UBIAD1: variants seen among roughly 807,000 people sequenced by gnomAD.
UBIAD1 encodes UbiA prenyltransferase domain containing 1.
UBIAD1 carries 12 observed loss-of-function variants against 20.1 expected under a neutral mutation model. The observed-to-expected ratio is 0.60, with a 90% confidence interval of 0.38 to 0.97. The LOEUF is 0.97. UBIAD1 is among the 50% of genes least tolerant of loss of function. The pLI, the probability that UBIAD1 is intolerant of heterozygous loss-of-function variation, is 0.00. For synonymous variants in UBIAD1, 207 were observed against 189.2 expected (o/e 1.09, Z -0.77); for missense variants, 333 against 419.5 (o/e 0.79, Z 1.80).
In UBIAD1 at chr1:11,273,980, A is replaced by G. The variant is rs767123349; in HGVS notation, c.449A>G (p.Tyr150Cys). ...TLGCVCAACL[Y>C]YLSPLKLEHL... ...GGCTGCGTCTGTGCCGCTTGCCTCT[A>G]CTACCTGTCCCCTCTGAAACTGGAG... Residue 150 changes from tyrosine (Y) to cysteine (C), a missense_variant, in exon 1 of 2, where the codon TAC (tyrosine) becomes TGC (cysteine). By Grantham distance (194) the Tyr-to-Cys change is radical (BLOSUM62 -2). Around this residue, in one of 3 missense-constraint regions of UBIAD1, gnomAD observed 226 missense variants for 263.5 expected, o/e 0.86. Transcript: ENST00000376810. The surrounding 1 kb of genome is among the most constrained non-coding windows in gnomAD (Gnocchi z 4.9). The G allele has an allele frequency of 1.9e-6, 3 of 1,613,976 alleles. No individual in the cohort carries two copies. Among genetic ancestry groups the G allele is most frequent in the African/African-American group, 2.7e-5 (2 of 74,906 alleles).
intron 1 of UBIAD1, among the ~76,000 whole-genome samples, chr1:11,276,963 G>A (rs978639723): frequency 6.6e-6 from 1 of 152,124 alleles, no homozygotes; most frequent in Non-Finnish European, 1.5e-5. Flanking sequence ...TGTGCTGGAT[G>A]TGGTAGTTTT....
downstream of UBIAD1, among the ~76,000 whole-genome samples, chr1:11,288,883 G>A (rs778084890): frequency 7.0e-4 from 107 of 152,046 alleles, no homozygotes; most frequent in African/African-American, 2.2e-3. Context: ...CTGCACATCC[G>A]CCTGGGCGAC....
downstream of UBIAD1, among the ~76,000 whole-genome samples, chr1:11,297,697 C>T (rs534381112): frequency 1.5e-4 from 23 of 152,284 alleles, no homozygotes; most frequent in East Asian, 4.3e-3. Flanking sequence ...AAGGTGACTT[C>T]TCATTCGAAT....
At chr1:11,275,089 G>A (rs1189035655) in intron 1 of UBIAD1, among the ~76,000 whole-genome samples, 2 of 152,326 alleles carry the variant, frequency 1.3e-5, no homozygotes, top group South Asian at 4.1e-4. Flanking sequence ...AGGTGGGTAA[G>A]CCCTATTTAT....
intron 1 of UBIAD1, among the ~76,000 whole-genome samples, chr1:11,282,374 C>T (rs1472933127): frequency 2.6e-5 from 4 of 152,086 alleles, no homozygotes; most frequent in African/African-American, 9.7e-5. Flanking sequence ...AGATGGGCCA[C>T]GTCTCTGAAT....
chr1:11,278,843 C>T, intron 1 of UBIAD1: 1 of 454,986 alleles, frequency 2.2e-6, no homozygotes, highest in Non-Finnish European at 4.1e-6. Context: ...TTTGGGTCCA[C>T]TTTCTATTTT....
downstream of UBIAD1, among the ~76,000 whole-genome samples, chr1:11,297,955 T>C (rs1373061803): frequency 7.1e-6 from 1 of 141,264 alleles, no homozygotes; most frequent in Non-Finnish European, 1.5e-5. Context: ...TATTATTGTT[T>C]TTTGTTTTTT....
chr1:11,291,818 A>C (rs1278256984), downstream of UBIAD1, among the ~76,000 whole-genome samples: 1 of 152,106 alleles, frequency 6.6e-6, no homozygotes, highest in East Asian at 1.9e-4. Flanking sequence ...GTGGGGGCAC[A>C]TAAAGCCATG....
downstream of UBIAD1, among the ~76,000 whole-genome samples, chr1:11,296,657 C>T (rs1638453333): frequency 6.6e-6 from 1 of 152,056 alleles, no homozygotes; most frequent in African/African-American, 2.4e-5. Flanking sequence ...GTAGCTTGGA[C>T]TACAGGCTTG....
intron 1 of UBIAD1, chr1:11,278,543 A>G (rs944867759): frequency 6.2e-5 from 56 of 903,410 alleles, no homozygotes; most frequent in African/African-American, 1.0e-4. Context: ...TTGCATTGTG[A>G]TATTTAATCA....
rs993826433 is a variant in UBIAD1 at position 11,286,300 on chromosome 1, G to T, written c.*169G>T. 1 of 882,416 alleles carries T rather than the reference G, an allele frequency of 1.1e-6. No homozygotes were observed. Among genetic ancestry groups the T allele is most frequent in the Admixed American group, 2.8e-5 (1 of 36,030 alleles). 54.7% of individuals were successfully genotyped at this position (882,416 alleles called of 1,614,324 possible). On this transcript the variant is annotated 3_prime_UTR_variant, in exon 2 of 2. Coordinates refer to ENST00000376810, the MANE Select transcript of UBIAD1 (RefSeq NM_013319.3). ...CTTAAAGATAATATGTTGTTTTTCT[G>T]TTTTTTGTTTTTTCCATTTTATGGG...
At chr1:11,294,189 T>C (rs1412592098) in intron 1 of UBIAD1, among the ~76,000 whole-genome samples, 1 of 152,228 alleles carries the variant, frequency 6.6e-6, no homozygotes, top group Non-Finnish European at 1.5e-5. Flanking sequence ...AAGGTCTCTT[T>C]TTCATAAGAG....
In UBIAD1 at chr1:11,282,890, T is replaced by A. The variant is rs566571872; in HGVS notation, c.530-2754T>A. The stretch of plus-strand genomic sequence containing the variant: ...CTTTTTTTTTCTTGAGACGGAGTTT[T>A]GCTCTTGTTGCCCAGGCTGGAGTGC... On this transcript the variant is annotated intron_variant, in intron 1 of 1. Transcript: ENST00000376810. Among the ~76,000 whole-genome samples, 19 of 149,206 alleles carry A rather than the reference T, an allele frequency of 1.3e-4. No individual in the cohort carries two copies. The South Asian group carries it at 3.6e-3, about 28-fold the overall frequency.
At chr1:11,299,438 C>A (rs939703357), downstream of UBIAD1, among the ~76,000 whole-genome samples, 7 of 152,242 alleles carry the variant, frequency 4.6e-5, no homozygotes, top group African/African-American at 1.7e-4. Flanking sequence ...TCTTCCAACT[C>A]TAAAAGCAGC....
At position 11,286,282 on chromosome 1, in the gene UBIAD1, A is replaced by G; in HGVS notation, c.*151A>G. The G allele has an allele frequency of 1.0e-6, 1 of 997,014 alleles. No homozygotes were observed. Among genetic ancestry groups the G allele is most frequent in the Non-Finnish European group, 1.5e-6 (1 of 679,540 alleles). 61.8% of individuals were successfully genotyped at this position (997,014 alleles called of 1,614,324 possible). Reference sequence around the variant, plus strand: ...AAAAATTGTTTTTGTGTTCTTAAAGATAATATGTTGTTTTTCTGTTTTTTG... The same window carrying G: ...AAAAATTGTTTTTGTGTTCTTAAAGGTAATATGTTGTTTTTCTGTTTTTTG... On this transcript the variant is annotated 3_prime_UTR_variant, in exon 2 of 2. Coordinates refer to ENST00000376810, the MANE Select transcript of UBIAD1 (RefSeq NM_013319.3).
intron 1 of UBIAD1, among the ~76,000 whole-genome samples, chr1:11,280,317 G>T (rs937370537): frequency 2.6e-5 from 4 of 152,072 alleles, no homozygotes; most frequent in Non-Finnish European, 4.4e-5. Flanking sequence ...AGTTAGGCAG[G>T]GTCTCTGTCA....
Position 11,286,345 on chromosome 1 carries a change from G to C in UBIAD1, c.*214G>C. On this transcript the variant is annotated 3_prime_UTR_variant, in exon 2 of 2. Coordinates refer to ENST00000376810, the MANE Select transcript of UBIAD1 (RefSeq NM_013319.3). ...TATGGGGAATTTAAAAACCATTCTT[G>C]TATCAGAAGGTGAATTAGGCGCATG... 2 of 634,188 alleles carry C rather than the reference G, an allele frequency of 3.2e-6. No homozygotes were observed. The highest frequency in any genetic ancestry group is 5.3e-6 in the Non-Finnish European group (2 of 374,658). The allele number at this position is 634,188 out of a possible 1,614,324, so 39.3% of individuals were successfully genotyped here.
chr1:11,284,845 G>A (rs1307436280), intron 1 of UBIAD1, among the ~76,000 whole-genome samples: 2 of 152,152 alleles, frequency 1.3e-5, no homozygotes, highest in South Asian at 4.1e-4. Context: ...GGGGTTATGA[G>A]AGGGGAAGCT....
At chr1:11,289,869 T>C (rs1294815612), downstream of UBIAD1, among the ~76,000 whole-genome samples, 1 of 152,030 alleles carries the variant, frequency 6.6e-6, no homozygotes, top group Non-Finnish European at 1.5e-5. Context: ...TAGCTGGCAT[T>C]ACAGGCACCC....
Sources: gnomAD v4.1 joint callset for allele counts (sites outside exome capture counted in the v4.1 genomes callset) on GRCh38, gnomAD v4.1.1 for gene constraint, gnomAD v4.1.1 regional missense constraint, Gnocchi (gnomAD v3.1) non-coding constraint, MANE v1.5 for transcripts, NCBI Gene and HGNC (gene_info 2026-07-23, HGNC 2026-07-21) for gene names.